Variants in GALNT13 observed in about 807,000 individuals in gnomAD.
The protein encoded by GALNT13 is polypeptide N-acetylgalactosaminyltransferase 13.
Under a neutral mutation model 64.2 loss-of-function variants are expected in GALNT13, and 28 were observed. The ratio of observed to expected loss-of-function variants is 0.44; its 90% CI spans 0.32 to 0.60. The LOEUF (loss-of-function observed/expected upper bound fraction) is 0.60, where lower values mean the gene tolerates loss of function less well. Among genes scored for constraint, GALNT13 ranks in the 20% least tolerant of loss-of-function variants. The pLI, the probability that GALNT13 is intolerant of heterozygous loss-of-function variation, is 0.05. For synonymous variants in GALNT13, 214 were observed against 224.6 expected (o/e 0.95, Z 0.42); for missense variants, 577 against 669.8 (o/e 0.86, Z 1.53).
chr2:153,835,009 G>A, the GALNT13 span, among the ~76,000 whole-genome samples: 12 of 152,000 alleles, frequency 7.9e-5, no homozygotes, highest in East Asian at 3.9e-4. Context: ...AAAGACACGC[G>A]AAGAAAAATT....
intron 4 of GALNT13, among the ~76,000 whole-genome samples, chr2:154,166,359 C>A (rs1685022140): frequency 6.6e-6 from 1 of 152,174 alleles, no homozygotes; most frequent in African/African-American, 2.4e-5. Flanking sequence ...GAGCGGAGAT[C>A]ACGCCACTGC....
chr2:154,114,622 G>A (rs1322524911), intron 3 of GALNT13, among the ~76,000 whole-genome samples: 1 of 152,136 alleles, frequency 6.6e-6, no homozygotes, highest in Non-Finnish European at 1.5e-5. Flanking sequence ...TTCATTCAAG[G>A]GGTACTGGGT....
the GALNT13 span, among the ~76,000 whole-genome samples, chr2:153,446,574 A>C: frequency 6.6e-6 from 1 of 152,306 alleles, no homozygotes; most frequent in East Asian, 1.9e-4. Context: ...AGGCGAATCT[A>C]TCAGATTAAT....
intron 3 of GALNT13, among the ~76,000 whole-genome samples, chr2:154,000,580 C>A (rs891635521): frequency 6.6e-6 from 1 of 151,914 alleles, no homozygotes; most frequent in African/African-American, 2.4e-5. Context: ...TGTCAAATGT[C>A]TACGTATTAG....
At chr2:153,784,222 G>A in the GALNT13 span, among the ~76,000 whole-genome samples, 1 of 152,162 alleles carries the variant, frequency 6.6e-6, no homozygotes, top group Non-Finnish European at 1.5e-5. Flanking sequence ...ATAGTAATGT[G>A]GACAGTGAAG....
At chr2:153,574,593 C>T in the GALNT13 span, among the ~76,000 whole-genome samples, 7 of 152,110 alleles carry the variant, frequency 4.6e-5, no homozygotes, top group South Asian at 2.1e-4. Context: ...TGTCTTCAAG[C>T]TCAGTAGTTC....
At chr2:153,165,195 A>C in the GALNT13 span, among the ~76,000 whole-genome samples, 2 of 152,232 alleles carry the variant, frequency 1.3e-5, no homozygotes, top group African/African-American at 2.4e-5. Flanking sequence ...GACATTTAGC[A>C]GCTGTGTGTA....
At chr2:153,576,217 G>A in the GALNT13 span, among the ~76,000 whole-genome samples, 2 of 152,122 alleles carry the variant, frequency 1.3e-5, no homozygotes, top group African/African-American at 2.4e-5. Flanking sequence ...TGTGCAGCCT[G>A]GGATTAGGGG....
chr2:153,954,330 T>C (rs1692415250), intron 3 of GALNT13, among the ~76,000 whole-genome samples: 1 of 152,166 alleles, frequency 6.6e-6, no homozygotes, highest in Non-Finnish European at 1.5e-5. Flanking sequence ...TTATAATATT[T>C]ATAATTGTAA....
chr2:153,386,432 GACAAC>G, the GALNT13 span, among the ~76,000 whole-genome samples: 786 of 152,092 alleles, frequency 5.2e-3, 10 homozygotes, highest in African/African-American at 0.018. Flanking sequence ...AAAACAAAAA[GACAAC>G]ACAACAGAGA....
At chr2:153,423,334 CTT>C in the GALNT13 span, 1 of 151,694 alleles carries the variant, frequency 6.6e-6, no homozygotes, top group Non-Finnish European at 1.5e-5. Flanking sequence ...AATATAAACT[CTT>C]AACAAATAGG....
the GALNT13 span, among the ~76,000 whole-genome samples, chr2:153,628,694 G>A: frequency 6.6e-6 from 1 of 152,170 alleles, no homozygotes; most frequent in African/African-American, 2.4e-5. Flanking sequence ...CAGGGATGAA[G>A]CCCACTTGGT....
the GALNT13 span, among the ~76,000 whole-genome samples, chr2:153,847,247 T>C: frequency 6.6e-6 from 1 of 152,032 alleles, no homozygotes; most frequent in Non-Finnish European, 1.5e-5. Flanking sequence ...TCAAATTATA[T>C]AGAAAGAATT....
chr2:153,430,357 G>GT, the GALNT13 span, among the ~76,000 whole-genome samples: 156 of 151,982 alleles, frequency 1.0e-3, no homozygotes, highest in African/African-American at 3.4e-3. Flanking sequence ...ATCTGCTGTT[G>GT]TAGCATAATT....
chr2:153,421,637 C>T, the GALNT13 span: 56 of 264,390 alleles, frequency 2.1e-4, no homozygotes, highest in African/African-American at 1.2e-3. Flanking sequence ...ATGATCTTGC[C>T]AATGTCGTGA....
the GALNT13 span, among the ~76,000 whole-genome samples, chr2:153,323,500 C>G: frequency 3.9e-5 from 6 of 152,078 alleles, no homozygotes; most frequent in African/African-American, 1.4e-4. Flanking sequence ...TTAATTAGAT[C>G]CCATTTGTCA....
chr2:154,379,692 ATAAT>A (rs1436533787), intron 9 of GALNT13, among the ~76,000 whole-genome samples: 4 of 152,112 alleles, frequency 2.6e-5, no homozygotes, highest in African/African-American at 9.6e-5. Context: ...ACAGAAATCT[ATAAT>A]TACACTATGT....
chr2:153,361,080 A>G, the GALNT13 span, among the ~76,000 whole-genome samples: 4 of 152,130 alleles, frequency 2.6e-5, no homozygotes, highest in Non-Finnish European at 5.9e-5. Flanking sequence ...ACAGGATTGA[A>G]GCAGATGAAT....
chr2:153,322,940 A>G, the GALNT13 span, among the ~76,000 whole-genome samples: 1 of 152,152 alleles, frequency 6.6e-6, no homozygotes, highest in Non-Finnish European at 1.5e-5. Context: ...GCTATTGTGA[A>G]TAGTGCTTCA....
Sources: allele counts gnomAD v4.1 joint callset (sites outside exome capture counted in the v4.1 genomes callset), GRCh38; gene constraint gnomAD v4.1.1; transcripts MANE v1.5; gene names NCBI Gene and HGNC (gene_info 2026-07-23, HGNC 2026-07-21).